Variants in BCL2 observed in about 807,000 individuals in gnomAD.
The protein encoded by BCL2 is apoptosis regulator Bcl-2.
Under a neutral mutation model 14.2 loss-of-function variants are expected in BCL2, and 1 was observed. The observed-to-expected ratio is 0.07, with a 90% CI of 0.02 to 0.33. BCL2 has a LOEUF of 0.33. BCL2 is among the 10% of genes least tolerant of loss of function. BCL2 has a pLI of 0.99. For missense variants in BCL2, 247 were observed against 305.9 expected, an observed-to-expected ratio of 0.81 and a Z score of 1.44; for synonymous variants, 151 against 137.2, an observed-to-expected ratio of 1.10 and a Z score of -0.70.
At chr18:63,200,741 T>G (rs1909667562) in intron 2 of BCL2, among the ~76,000 whole-genome samples, 1 of 152,164 alleles carries the variant, frequency 6.6e-6, no homozygotes, top group Non-Finnish European at 1.5e-5. Context: ...TGGGAAAAAG[T>G]GATTCTCCCA....
intron 2 of BCL2, among the ~76,000 whole-genome samples, chr18:63,199,299 G>A (rs1909614614): frequency 7.1e-6 from 1 of 140,844 alleles, no homozygotes; most frequent in Non-Finnish European, 1.5e-5. Flanking sequence ...CACAGACACA[G>A]AGACACACAC....
At chr18:63,262,121 T>C (rs1297828399) in intron 2 of BCL2, among the ~76,000 whole-genome samples, 2 of 152,176 alleles carry the variant, frequency 1.3e-5, no homozygotes, top group African/African-American at 4.8e-5. Flanking sequence ...TTCACCATGT[T>C]GTCCAGGCTG....
At chr18:63,246,549 A>T (rs1911155572) in intron 2 of BCL2, among the ~76,000 whole-genome samples, 1 of 152,192 alleles carries the variant, frequency 6.6e-6, no homozygotes, top group Admixed American at 6.5e-5. Context: ...TTATCACAAC[A>T]GCACAGGAAA....
intron 2 of BCL2, among the ~76,000 whole-genome samples, chr18:63,229,908 C>G (rs1321108326): frequency 6.6e-6 from 1 of 152,154 alleles, no homozygotes; most frequent in African/African-American, 2.4e-5. Context: ...GATTCCTTAA[C>G]ACACATGATC....
chr18:63,258,652 G>T (rs2144220373), intron 2 of BCL2, among the ~76,000 whole-genome samples: 1 of 152,318 alleles, frequency 6.6e-6, no homozygotes, highest in Admixed American at 6.5e-5. Flanking sequence ...TTGCCCTCCG[G>T]TCCCCCAGAT....
At chr18:63,293,085 C>T (rs569824672) in intron 2 of BCL2, among the ~76,000 whole-genome samples, 1 of 152,298 alleles carries the variant, frequency 6.6e-6, no homozygotes, top group East Asian at 1.9e-4. Context: ...GACGACCTCA[C>T]CCCTGGCTGG....
At chr18:63,203,294 C>T (rs991677961) in intron 2 of BCL2, among the ~76,000 whole-genome samples, 4 of 152,178 alleles carry the variant, frequency 2.6e-5, no homozygotes, top group African/African-American at 7.2e-5. Context: ...AGAATTCCTC[C>T]GTCAAGATTT....
chr18:63,212,476 A>G (rs1910056900), intron 2 of BCL2, among the ~76,000 whole-genome samples: 1 of 151,846 alleles, frequency 6.6e-6, no homozygotes, highest in South Asian at 2.1e-4. Flanking sequence ...GTCTCATTTT[A>G]GAGATCAGAA....
intron 2 of BCL2, among the ~76,000 whole-genome samples, chr18:63,184,916 G>A (rs1345672778): frequency 1.3e-5 from 2 of 152,216 alleles, no homozygotes; most frequent in Non-Finnish European, 2.9e-5. Flanking sequence ...GGGTCTGGAT[G>A]TCTGAATGTG....
At chr18:63,223,064 C>T (rs1350728857) in intron 2 of BCL2, among the ~76,000 whole-genome samples, 3 of 152,136 alleles carry the variant, frequency 2.0e-5, no homozygotes, top group Non-Finnish European at 4.4e-5. Context: ...CAGATAGCAC[C>T]GGTGACCTCT....
intron 2 of BCL2, among the ~76,000 whole-genome samples, chr18:63,260,820 AAG>A (rs1299295652): frequency 2.0e-5 from 3 of 152,224 alleles, no homozygotes; most frequent in Non-Finnish European, 4.4e-5. Flanking sequence ...TAAAATGAAA[AAG>A]AAAAACAAAC....
At chr18:63,268,738 G>A (rs1911914038) in intron 2 of BCL2, among the ~76,000 whole-genome samples, 1 of 152,050 alleles carries the variant, frequency 6.6e-6, no homozygotes, top group African/African-American at 2.4e-5. Context: ...CAAACTTTGT[G>A]GCAATGACAA....
At chr18:63,292,738 A>G (rs1236821976) in intron 2 of BCL2, among the ~76,000 whole-genome samples, 2 of 152,334 alleles carry the variant, frequency 1.3e-5, no homozygotes, top group East Asian at 3.9e-4. Flanking sequence ...TCTGGGAGTG[A>G]AATAAGTATG....
intron 2 of BCL2, among the ~76,000 whole-genome samples, chr18:63,305,647 T>C (rs1467549471): frequency 6.6e-6 from 1 of 152,172 alleles, no homozygotes; most frequent in Non-Finnish European, 1.5e-5. Context: ...AAAACTGCCT[T>C]TCATAATTGA....
rs555342230 is a variant in BCL2 at position 63,125,682 on chromosome 18, AAAG to A, written c.*2940_*2942del. The A allele has an allele frequency of 2.4e-5, 5 of 212,364 alleles. No individual in the cohort carries two copies. Among genetic ancestry groups the A allele is most frequent in the East Asian group, 1.4e-4 (2 of 14,276 alleles). The allele number at this position is 212,364 out of a possible 1,614,324, so 13.2% of individuals were successfully genotyped here. A position where few individuals can be genotyped will look rare whatever the true frequency, so the allele number is the denominator to read the frequency against. On this transcript the variant is annotated 3_prime_UTR_variant, in exon 3 of 3. Coordinates refer to ENST00000333681, the MANE Select transcript of BCL2 (RefSeq NM_000633.3). ...CAAAATAATTAGATATAATGAAAAA[AAAG>A]AAGAGGAGAAAAAAATGACTAGTTG...
At chr18:63,169,288 CT>C (rs1915134518) in intron 2 of BCL2, among the ~76,000 whole-genome samples, 23 of 70,352 alleles carry the variant, frequency 3.3e-4, no homozygotes, top group East Asian at 7.5e-4. Flanking sequence ...TTCTTTCTTT[CT>C]TTCTTTCTTT....
chr18:63,178,347 A>C (rs914057099), intron 2 of BCL2, among the ~76,000 whole-genome samples: 5 of 152,118 alleles, frequency 3.3e-5, no homozygotes. Flanking sequence ...ATAACCAGAG[A>C]TGGAAGCGCG....
intron 2 of BCL2, among the ~76,000 whole-genome samples, chr18:63,266,637 T>TCTCTCTCTCTCTCTCACACACACA (rs1491465885): frequency 1.2e-5 from 1 of 85,938 alleles, no homozygotes; most frequent in African/African-American, 3.6e-5. Context: ...TCTCTCTCTC[T>TCTCTCTCTCTCTCTCACACACACA]CACACACACA....
At chr18:63,285,496 C>T (rs990416827) in intron 2 of BCL2, among the ~76,000 whole-genome samples, 2 of 152,210 alleles carry the variant, frequency 1.3e-5, no homozygotes, top group African/African-American at 4.8e-5. Context: ...AAGGAGTCAG[C>T]TGCAAACTGC....
Sources: allele counts gnomAD v4.1 joint callset (sites outside exome capture counted in the v4.1 genomes callset), GRCh38; gene constraint gnomAD v4.1.1; transcripts MANE v1.5; gene names NCBI Gene and HGNC (gene_info 2026-07-23, HGNC 2026-07-21).